The following FEZ1 variants were observed in gnomAD, a reference collection of about 807,000 sequenced individuals.
FEZ1 encodes fasciculation and elongation protein zeta-1.
Under a neutral mutation model 49.3 loss-of-function variants are expected in FEZ1, and 20 were observed. The ratio of observed to expected loss-of-function variants is 0.41; its 90% CI spans 0.29 to 0.59. FEZ1 has a LOEUF of 0.59. Among genes scored for constraint, FEZ1 ranks in the 20% least tolerant of loss-of-function variants. The pLI, the probability that FEZ1 is intolerant of heterozygous loss-of-function variation, is 0.36. For missense variants in FEZ1, 413 were observed against 476.0 expected (o/e 0.87, Z 1.23); for synonymous variants, 170 against 180.9 (o/e 0.94, Z 0.48).
intron 3 of FEZ1, among the ~76,000 whole-genome samples, chr11:125,479,779 C>T (rs1020558459): frequency 6.6e-6 from 1 of 152,188 alleles, no homozygotes; most frequent in African/African-American, 2.4e-5. Flanking sequence ...GTGCCTTGAT[C>T]TTGGACTTCC....
chr11:125,494,254 G>C (rs1157822994), intron 1 of FEZ1, among the ~76,000 whole-genome samples: 1 of 152,198 alleles, frequency 6.6e-6, no homozygotes, highest in Non-Finnish European at 1.5e-5. Flanking sequence ...TGAGAGTCAG[G>C]CGTTCTGACT....
chr11:125,483,555 C>T (rs1957303153), intron 2 of FEZ1, among the ~76,000 whole-genome samples: 1 of 152,170 alleles, frequency 6.6e-6, no homozygotes, highest in African/African-American at 2.4e-5. Context: ...CATTCTAGAG[C>T]CAAGAAGCAA....
rs914118163 is a variant in FEZ1 at position 125,445,022 on chromosome 11, G to A, written c.*1073C>T. Among the ~76,000 whole-genome samples the A allele has an allele frequency of 1.3e-5, 2 of 152,236 alleles. No homozygotes were observed. Among genetic ancestry groups the A allele is most frequent in the African/African-American group, 4.8e-5 (2 of 41,458 alleles). ...TCAATGTCTTTCAAGCCAGAAGACG[G>A]AAGCCAACAGAATTCAGACTGTGGT... On this transcript the variant is annotated 3_prime_UTR_variant, in exon 10 of 10. Transcript: ENST00000278919. This position sits in a 1 kb window ranked among gnomAD's most constrained non-coding sequence, Gnocchi z 4.4.
At chr11:125,488,587 G>C in intron 2 of FEZ1, 3 of 261,910 alleles carry the variant, frequency 1.1e-5, no homozygotes, top group Non-Finnish European at 1.8e-5. Flanking sequence ...GGCTGAGGCA[G>C]GAGAATAGCT....
intron 5 of FEZ1, 127 bp downstream of exon 5, chr11:125,460,371 C>T (rs1212855322): frequency 4.0e-6 from 3 of 743,398 alleles, no homozygotes; most frequent in Non-Finnish European, 6.4e-6. Flanking sequence ...TTGCTGACCA[C>T]CTAGATCTGC....
At chr11:125,486,524 A>C (rs1957327927) in intron 2 of FEZ1, among the ~76,000 whole-genome samples, 1 of 152,256 alleles carries the variant, frequency 6.6e-6, no homozygotes, top group South Asian at 2.1e-4. Flanking sequence ...GACAAATCTT[A>C]GCCAACTCCC....
At chr11:125,486,140 CATGT>C (rs1957324967) in intron 2 of FEZ1, among the ~76,000 whole-genome samples, 1 of 152,194 alleles carries the variant, frequency 6.6e-6, no homozygotes, top group South Asian at 2.1e-4. Flanking sequence ...TTGTCTTCAA[CATGT>C]AGTATATCTG....
intron 3 of FEZ1, chr11:125,469,247 C>G (rs1957162286): frequency 6.6e-6 from 1 of 152,402 alleles, no homozygotes; most frequent in Non-Finnish European, 1.5e-5. Context: ...GCCCTGACCC[C>G]ATAGCCTTCT....
At chr11:125,473,832 A>C (rs927635774) in intron 3 of FEZ1, among the ~76,000 whole-genome samples, 3 of 151,838 alleles carry the variant, frequency 2.0e-5, no homozygotes, top group Non-Finnish European at 2.9e-5. Flanking sequence ...AAAAAAAAAA[A>C]AAACAGAAAG....
intron 2 of FEZ1, among the ~76,000 whole-genome samples, chr11:125,487,473 G>A (rs1046136321): frequency 6.6e-6 from 1 of 152,152 alleles, no homozygotes; most frequent in Non-Finnish European, 1.5e-5. Flanking sequence ...ATTGGCTGGT[G>A]CACTAGAACG....
intron 3 of FEZ1, among the ~76,000 whole-genome samples, chr11:125,480,472 C>T (rs568034062): frequency 3.8e-4 from 58 of 152,332 alleles, no homozygotes; most frequent in Non-Finnish European, 6.3e-4. Flanking sequence ...GTGCAAGATC[C>T]GTCAGCACTT....
chr11:125,468,046 T>G (rs1321935995), intron 3 of FEZ1, among the ~76,000 whole-genome samples: 1 of 152,186 alleles, frequency 6.6e-6, no homozygotes, highest in Non-Finnish European at 1.5e-5. Flanking sequence ...ACATATTAAC[T>G]CAAGCAAATT....
intron 3 of FEZ1, among the ~76,000 whole-genome samples, chr11:125,472,639 G>A (rs670793): frequency 0.93 from 141,559 of 152,120 alleles, 65,939 homozygotes; most frequent in East Asian, 1. Context: ...CAAACATTCA[G>A]GGAAGAAATA....
intron 2 of FEZ1, among the ~76,000 whole-genome samples, chr11:125,488,202 C>T (rs1345401856): frequency 6.6e-6 from 1 of 152,214 alleles, no homozygotes; most frequent in African/African-American, 2.4e-5. Context: ...AGAGAGACCA[C>T]ATTCACATAA....
chr11:125,478,182 C>A (rs965122022), intron 3 of FEZ1, among the ~76,000 whole-genome samples: 5 of 152,206 alleles, frequency 3.3e-5, no homozygotes, highest in African/African-American at 4.8e-5. Context: ...GCGGCTCACA[C>A]CTATAATCCC....
Position 125,489,387 on chromosome 11 carries a change from C to T in FEZ1, c.311+80G>A. On this transcript the variant is annotated intron_variant, in intron 2 of 9. Coordinates refer to ENST00000278919, the MANE Select transcript of FEZ1 (RefSeq NM_005103.5). The surrounding 1 kb of genome is among the most constrained non-coding windows in gnomAD (Gnocchi z 4.2). ...AAGTAATAGCCCATAAACCTATAGA[C>T]AGAAACCAGCACTATGTCAAGGAGA... 15 of 1,523,100 alleles carry T rather than the reference C, an allele frequency of 9.8e-6. No individual in the cohort carries two copies. Among genetic ancestry groups the T allele is most frequent in the Non-Finnish European group, 1.3e-5 (15 of 1,139,436 alleles). The allele number at this position is 1,523,100 out of a possible 1,614,324, so 94.3% of individuals were successfully genotyped here. A position where few individuals can be genotyped will look rare whatever the true frequency, so the allele number is the denominator to read the frequency against.
At chr11:125,454,437 C>G (rs1292211964) in intron 6 of FEZ1, 2 of 390,588 alleles carry the variant, frequency 5.1e-6, no homozygotes, top group Non-Finnish European at 9.0e-6. Flanking sequence ...CTCAGGGCTA[C>G]AAGACCCCTC....
At position 125,444,981 on chromosome 11, in the gene FEZ1, A is replaced by G. The variant is rs1461070801; in HGVS notation, c.*1114T>C. On this transcript the variant is annotated 3_prime_UTR_variant, in exon 10 of 10. Transcript: ENST00000278919. Reference sequence around the variant, plus strand: ...CAAGTTTTTGCTTTCAGAGGAGGATATGGGAATTGGCAGGCTCAATGTCTT... The same window carrying G: ...CAAGTTTTTGCTTTCAGAGGAGGATGTGGGAATTGGCAGGCTCAATGTCTT... 6.6e-6 allele frequency among the ~76,000 whole-genome samples: 1 copy of G among 152,218 alleles called. No individual in the cohort carries two copies. The highest frequency in any genetic ancestry group is 2.4e-5 in the African/African-American group (1 of 41,458).
chr11:125,453,747 T>C (rs371101383), intron 7 of FEZ1: 3 of 159,972 alleles, frequency 1.9e-5, no homozygotes, highest in African/African-American at 7.2e-5. Context: ...GCAGAGGCAG[T>C]CTTAGTGGGA....
Sources: gnomAD v4.1 joint callset for allele counts (sites outside exome capture counted in the v4.1 genomes callset) on GRCh38, gnomAD v4.1.1 for gene constraint, Gnocchi (gnomAD v3.1) non-coding constraint, MANE v1.5 for transcripts, NCBI Gene and HGNC (gene_info 2026-07-23, HGNC 2026-07-21) for gene names.